SESTD1: variants seen among roughly 807,000 people sequenced by gnomAD.
The protein encoded by SESTD1 is SEC14 and spectrin domain containing 1.
Under a neutral mutation model 101.7 loss-of-function variants are expected in SESTD1, and 43 were observed. The ratio of observed to expected loss-of-function variants is 0.42; its 90% CI spans 0.33 to 0.55. The LOEUF is 0.55. Ranked by LOEUF, SESTD1 falls within the 20% of genes least tolerant of loss-of-function variation. The probability of loss-of-function intolerance (pLI) is 0.07; values close to 1 mark genes in which losing one functional copy is unlikely to be tolerated. For missense variants in SESTD1, 647 were observed against 815.1 expected (o/e 0.79, Z 2.51); for synonymous variants, 283 against 286.8 (o/e 0.99, Z 0.13).
intron 2 of SESTD1, among the ~76,000 whole-genome samples, chr2:179,187,137 A>G (rs1034390104): frequency 1.3e-5 from 2 of 152,186 alleles, no homozygotes; most frequent in Non-Finnish European, 2.9e-5. Context: ...TGGTAACAAA[A>G]GAACACCTGC....
chr2:179,121,836 A>G lies in SESTD1; in HGVS notation c.1376T>C (p.Ile459Thr), dbSNP rs771647640. Residue 459 changes from isoleucine (I) to threonine (T), a missense_variant, in exon 13 of 18, where the codon ATT becomes ACT. Physicochemically the swap from Ile to Thr is moderately conservative, Grantham distance 89. Transcript: ENST00000428443. Reference sequence around the variant, plus strand: ...GTGGTCCACATTTTCTTTATTTTCAATGGTTACATCCTTTCCATAGGCCCA... The same window carrying G: ...GTGGTCCACATTTTCTTTATTTTCAGTGGTTACATCCTTTCCATAGGCCCA... ...ASWAYGKDVTIENKENVDHIQ... is the reference protein window; with the variant it reads ...ASWAYGKDVTTENKENVDHIQ... 2.5e-6 allele frequency: 4 copies of G among 1,608,854 alleles called. No individual in the cohort carries two copies. Among genetic ancestry groups the G allele is most frequent in the Admixed American group, 1.7e-5 (1 of 59,170 alleles).
rs865915691 is a variant in SESTD1 at position 179,246,572 on chromosome 2, A to G, written c.-26+17927T>C. On this transcript the variant is annotated intron_variant, in intron 1 of 17. Coordinates refer to ENST00000428443, the MANE Select transcript of SESTD1 (RefSeq NM_178123.5). ...ATCAACAAGGATACAGAAGAACTCA[A>G]CACTACATCAACCAACCAGATCTAA... 5.9e-5 allele frequency among the ~76,000 whole-genome samples: 9 copies of G among 152,320 alleles called. No individual in the cohort carries two copies. In the South Asian group the frequency reaches 1.9e-3, roughly 32 times the overall value.
chr2:179,190,574 A>C (rs753004766), intron 2 of SESTD1, among the ~76,000 whole-genome samples: 1 of 152,184 alleles, frequency 6.6e-6, no homozygotes, highest in Non-Finnish European at 1.5e-5. Context: ...TCTGCACAAC[A>C]AAAGAAACTA....
chr2:179,124,888 C>T (rs1425469791), intron 10 of SESTD1, among the ~76,000 whole-genome samples: 2 of 152,114 alleles, frequency 1.3e-5, no homozygotes, highest in Non-Finnish European at 2.9e-5. Flanking sequence ...TACTTGCAGA[C>T]CATTTATTTT....
rs1035705036 is a variant in SESTD1 at position 179,108,990 on chromosome 2, C to G, written c.*909G>C. 1 of 152,020 alleles carries G rather than the reference C, an allele frequency of 6.6e-6. No homozygotes were observed. Among genetic ancestry groups the G allele is most frequent in the African/African-American group, 2.4e-5 (1 of 41,380 alleles). The allele number at this position is 152,020 out of a possible 1,614,324, so 9.4% of individuals were successfully genotyped here. A position where few individuals can be genotyped will look rare whatever the true frequency, so the allele number is the denominator to read the frequency against. On this transcript the variant is annotated 3_prime_UTR_variant, in exon 18 of 18. Coordinates refer to ENST00000428443, the MANE Select transcript of SESTD1 (RefSeq NM_178123.5). ...TAATTATGTATGCCTTCTTCCTCAG[C>G]CCTCCTCCCCTAAAGACAAAGTATC...
At chr2:179,177,748 T>C (rs1485272697) in intron 3 of SESTD1, among the ~76,000 whole-genome samples, 1 of 152,134 alleles carries the variant, frequency 6.6e-6, no homozygotes, top group Non-Finnish European at 1.5e-5. Flanking sequence ...TGCATGTAAA[T>C]ATTCACAGCA....
intron 1 of SESTD1, among the ~76,000 whole-genome samples, chr2:179,222,292 G>C (rs1399212185): frequency 1.3e-5 from 2 of 152,210 alleles, no homozygotes; most frequent in Non-Finnish European, 2.9e-5. Flanking sequence ...CCACTTACTA[G>C]CTATGTGGTT....
chr2:179,200,437 G>C (rs557223130), intron 1 of SESTD1, among the ~76,000 whole-genome samples: 4 of 150,798 alleles, frequency 2.7e-5, no homozygotes, highest in Non-Finnish European at 4.4e-5. Context: ...AGTTCATATG[G>C]AACCAAAAAA....
At chr2:179,239,714 A>T (rs2047122134) in intron 1 of SESTD1, among the ~76,000 whole-genome samples, 1 of 152,172 alleles carries the variant, frequency 6.6e-6, no homozygotes, top group African/African-American at 2.4e-5. Flanking sequence ...AGATAGATTA[A>T]AACAATAAGG....
chr2:179,213,201 G>A lies in SESTD1; in HGVS notation c.-25-21335C>T, dbSNP rs188318969. Among the ~76,000 whole-genome samples, 17 of 134,576 alleles carry A rather than the reference G, an allele frequency of 1.3e-4. 5 individuals carry two copies. The highest frequency in any genetic ancestry group is 2.6e-4 in the African/African-American group (9 of 34,104). The allele number at this position is 134,576 out of a possible 152,430, so 88.3% of individuals were successfully genotyped here. The stretch of plus-strand genomic sequence containing the variant: ...AAGGTCAGTAATAACAAAGTTCTCC[G>A]AGCTAAAGGGGCATGTTCTAACCCA... On this transcript the variant is annotated intron_variant, in intron 1 of 17. Coordinates refer to ENST00000428443, the MANE Select transcript of SESTD1 (RefSeq NM_178123.5).
chr2:179,213,370 G>T (rs988039019), intron 1 of SESTD1, among the ~76,000 whole-genome samples: 1 of 134,702 alleles, frequency 7.4e-6, no homozygotes, highest in Non-Finnish European at 1.6e-5. Flanking sequence ...TTCAATAGCC[G>T]ATTCGATCAA....
chr2:179,124,487 A>C lies in SESTD1; in HGVS notation c.1044T>G (p.Asp348Glu). Residue 348 changes from aspartate (D) to glutamate (E), a missense_variant, in exon 11 of 18, where the codon GAT (aspartate) becomes GAG (glutamate). Transcript: ENST00000428443. ...AALLNAGDEE[D>E]LVELKSLQQQ... is the part of the protein sequence containing the mutation. ...GCTGCAGTGACTTTAGTTCCACAAG[A>C]TCTTCCTCATCGCCAGCATTCAAGA... The C allele has an allele frequency of 6.2e-7, 1 of 1,614,106 alleles. No individual in the cohort carries two copies. Among genetic ancestry groups the C allele is most frequent in the Non-Finnish European group, 8.5e-7 (1 of 1,180,000 alleles).
At chr2:179,159,868 T>A (rs140868910) in intron 5 of SESTD1, among the ~76,000 whole-genome samples, 16 of 152,106 alleles carry the variant, frequency 1.1e-4, no homozygotes, top group African/African-American at 2.2e-4. Context: ...TGAAAAAAAA[T>A]TTTTTTTGAG....
chr2:179,129,861 G>C (rs907745677), intron 10 of SESTD1, among the ~76,000 whole-genome samples: 1 of 152,090 alleles, frequency 6.6e-6, no homozygotes, highest in Non-Finnish European at 1.5e-5. Flanking sequence ...CAGCACAACT[G>C]GCTTTTTAAA....
intron 3 of SESTD1, among the ~76,000 whole-genome samples, chr2:179,179,272 C>G (rs1281926792): frequency 6.6e-6 from 1 of 152,072 alleles, no homozygotes; most frequent in Non-Finnish European, 1.5e-5. Flanking sequence ...CCACTGTTAG[C>G]ATGTTTATAA....
rs1378615080 is a variant in SESTD1, at chr2:179,104,035, T to A, written c.*5864A>T. On this transcript the variant is annotated 3_prime_UTR_variant, in exon 18 of 18. Transcript: ENST00000428443. Reference sequence around the variant, plus strand: ...AGTACACTATAAAATTATTTTAACTTTTTAATGTATTTGATAATTTTCATA... The same window carrying A: ...AGTACACTATAAAATTATTTTAACTATTTAATGTATTTGATAATTTTCATA... 1 of 152,166 alleles carries A rather than the reference T, an allele frequency of 6.6e-6. No individual in the cohort carries two copies. The highest frequency in any genetic ancestry group is 6.6e-5 in the Admixed American group (1 of 15,266). 9.4% of individuals were successfully genotyped at this position (152,166 alleles called of 1,614,324 possible).
At position 179,226,858 on chromosome 2, in the gene SESTD1, T is replaced by C. The variant is rs183592105; in HGVS notation, c.-25-34992A>G. Among the ~76,000 whole-genome samples the C allele has an allele frequency of 5.1e-4, 77 of 152,304 alleles. No homozygotes were observed. The East Asian group carries it at 9.6e-3, about 19-fold the overall frequency. On this transcript the variant is annotated intron_variant, in intron 1 of 17. Transcript: ENST00000428443. ...ATAGCCAATGCGCAATAAATATTTG[T>C]TGAATAATGATCCTGCCAGCTTTCT...
At chr2:179,155,832 C>G (rs910681590) in intron 5 of SESTD1, among the ~76,000 whole-genome samples, 5 of 152,028 alleles carry the variant, frequency 3.3e-5, no homozygotes, top group Non-Finnish European at 7.4e-5. Context: ...TTTTGGTGCA[C>G]CCATCACCCG....
rs553793401 is a variant in SESTD1 at position 179,214,993 on chromosome 2, G to A, written c.-25-23127C>T. Among the ~76,000 whole-genome samples the A allele has an allele frequency of 3.0e-5, 4 of 134,802 alleles. 1 individual carries two copies. In the East Asian group the frequency reaches 8.0e-4, roughly 27 times the overall value. 88.4% of individuals were successfully genotyped at this position (134,802 alleles called of 152,430 possible). On this transcript the variant is annotated intron_variant, in intron 1 of 17. Transcript: ENST00000428443. ...CTCCGAGACACATTTAAAGCAGCAT[G>A]TAGATGGAAATTTATAGCACTAAAT...
Sources: gnomAD v4.1 joint callset for allele counts (sites outside exome capture counted in the v4.1 genomes callset) on GRCh38, gnomAD v4.1.1 for gene constraint, MANE v1.5 for transcripts, NCBI Gene and HGNC (gene_info 2026-07-23, HGNC 2026-07-21) for gene names.